The following SLC22A24 variants were observed in gnomAD, a reference collection of about 807,000 sequenced individuals.
SLC22A24 encodes steroid transmembrane transporter SLC22A24.
SLC22A24 carries 53 observed loss-of-function variants against 49.8 expected under a neutral mutation model. The ratio of observed to expected loss-of-function variants is 1.06; its 90% CI spans 0.85 to 1.34. SLC22A24 has a LOEUF of 1.34. Among genes scored for constraint, SLC22A24 ranks in the 40% most tolerant of loss-of-function variants. The pLI, the probability that SLC22A24 is intolerant of heterozygous loss-of-function variation, is 0.00. For synonymous variants in SLC22A24, 302 were observed against 256.4 expected (o/e 1.18, Z -1.70); for missense variants, 786 against 675.9 (o/e 1.16, Z -1.81).
chr11:63,135,633 T>C (rs2087368574), intron 1 of SLC22A24, among the ~76,000 whole-genome samples: 1 of 152,240 alleles, frequency 6.6e-6, no homozygotes, highest in African/African-American at 2.4e-5. Flanking sequence ...AATGGACATT[T>C]CTCGCTTTAT....
At chr11:63,140,603 A>C (rs758246957) in intron 1 of SLC22A24, among the ~76,000 whole-genome samples, 1 of 152,128 alleles carries the variant, frequency 6.6e-6, no homozygotes, top group Non-Finnish European at 1.5e-5. Context: ...AAAGAATTAG[A>C]TCTTATCTTC....
At chr11:63,093,774 C>T (rs1161522359) in intron 6 of SLC22A24, among the ~76,000 whole-genome samples, 2 of 151,986 alleles carry the variant, frequency 1.3e-5, no homozygotes, top group Non-Finnish European at 2.9e-5. Context: ...ATGAAATAAT[C>T]TGTACCACAA....
At chr11:63,139,161 AC>A (rs1207414836) in intron 1 of SLC22A24, among the ~76,000 whole-genome samples, 1 of 152,138 alleles carries the variant, frequency 6.6e-6, no homozygotes, top group Non-Finnish European at 1.5e-5. Flanking sequence ...TTCTCAGTCA[AC>A]TGAAATATTT....
chr11:63,133,753 C>T (rs928942695), intron 2 of SLC22A24, among the ~76,000 whole-genome samples: 3 of 152,160 alleles, frequency 2.0e-5, no homozygotes, highest in African/African-American at 7.2e-5. Context: ...GTGATTCTCA[C>T]ACCTCAGCCT....
At chr11:63,103,082 T>C (rs1251541168) in intron 5 of SLC22A24, among the ~76,000 whole-genome samples, 2 of 152,168 alleles carry the variant, frequency 1.3e-5, no homozygotes, top group Non-Finnish European at 2.9e-5. Context: ...GAAATAATAC[T>C]TTTCCAGACA....
chr11:63,102,425 C>T (rs866372347), intron 5 of SLC22A24, among the ~76,000 whole-genome samples: 7 of 152,082 alleles, frequency 4.6e-5, no homozygotes, highest in African/African-American at 1.7e-4. Flanking sequence ...CTCAGATGCA[C>T]TGGTCTGTCA....
chr11:63,132,968 G>A (rs1467881133), intron 2 of SLC22A24, among the ~76,000 whole-genome samples: 3 of 152,164 alleles, frequency 2.0e-5, no homozygotes, highest in African/African-American at 7.2e-5. Context: ...TGCCCAGTTC[G>A]AACTTCCCAG....
intron 1 of SLC22A24, among the ~76,000 whole-genome samples, chr11:63,137,419 TG>T (rs1449490475): frequency 2.0e-5 from 3 of 152,160 alleles, no homozygotes; most frequent in African/African-American, 7.2e-5. Context: ...CTTATTTGTC[TG>T]GTTATATTTG....
Position 63,127,381 on chromosome 11 carries a change from G to T in SLC22A24, c.506+7284C>A, listed in dbSNP as rs2087299205. Among the ~76,000 whole-genome samples, 3 of 152,200 alleles carry T rather than the reference G, an allele frequency of 2.0e-5. 1 individual carries two copies. Among genetic ancestry groups the T allele is most frequent in the South Asian group, 4.2e-4 (2 of 4,810 alleles). ...ATTTTCTTAATCCAATCTGTCATTG[G>T]TGGACATTTGGGTTGGTTCCAAGTC... On this transcript the variant is annotated intron_variant, in intron 2 of 9. Coordinates refer to ENST00000612278, the MANE Select transcript of SLC22A24 (RefSeq NM_001136506.2).
At chr11:63,118,293 A>C (rs1209995462) in intron 4 of SLC22A24, among the ~76,000 whole-genome samples, 1 of 152,150 alleles carries the variant, frequency 6.6e-6, no homozygotes, top group Admixed American at 6.5e-5. Context: ...AAACATCCCA[A>C]CATTCACTTT....
At chr11:63,135,356 G>A (rs1245304540) in intron 1 of SLC22A24, among the ~76,000 whole-genome samples, 1 of 152,066 alleles carries the variant, frequency 6.6e-6, no homozygotes, top group Non-Finnish European at 1.5e-5. Flanking sequence ...ACTTACTCTG[G>A]GTATCAGTTT....
At chr11:63,141,484 T>C (rs1309634539) in intron 1 of SLC22A24, among the ~76,000 whole-genome samples, 1 of 152,200 alleles carries the variant, frequency 6.6e-6, no homozygotes, top group African/African-American at 2.4e-5. Context: ...ATGCTTCTTG[T>C]AAAGAATCAA....
intron 6 of SLC22A24, among the ~76,000 whole-genome samples, chr11:63,093,222 C>T (rs574633248): frequency 2.2e-4 from 34 of 152,244 alleles, no homozygotes; most frequent in Non-Finnish European, 3.7e-4. Flanking sequence ...GAAGTAGAAA[C>T]GCTTTTACAC....
chr11:63,107,719 A>G (rs1001923262), intron 4 of SLC22A24, among the ~76,000 whole-genome samples: 6 of 152,088 alleles, frequency 3.9e-5, no homozygotes, highest in South Asian at 2.1e-4. Context: ...TTCACTCATG[A>G]TATGGCTCTC....
Position 63,083,470 on chromosome 11 carries a change from A to T in SLC22A24, c.1071-13T>A, listed in dbSNP as rs1186340384. ...AGTGATTGCGAATCTGAAGTGAATA[A>T]AAAGGACAAAGACATATTCAATAAG... On this transcript the variant is annotated splice_polypyrimidine_tract_variant and intron_variant, in intron 6 of 9. Transcript: ENST00000612278. 7 of 1,539,796 alleles carry T rather than the reference A, an allele frequency of 4.5e-6. No homozygotes were observed. The highest frequency in any genetic ancestry group is 6.2e-6 in the Non-Finnish European group (7 of 1,136,628).
chr11:63,103,223 G>A (rs2087101710), intron 5 of SLC22A24, among the ~76,000 whole-genome samples: 1 of 152,036 alleles, frequency 6.6e-6, no homozygotes, highest in Non-Finnish European at 1.5e-5. Flanking sequence ...GGACTGACAT[G>A]TATTTATTAG....
At chr11:63,113,608 C>G (rs970394967) in intron 4 of SLC22A24, among the ~76,000 whole-genome samples, 5 of 152,120 alleles carry the variant, frequency 3.3e-5, no homozygotes, top group Admixed American at 1.3e-4. Context: ...GTAATCCCAG[C>G]ACTTTGGGAG....
At chr11:63,099,123 A>G (rs1482527332) in intron 5 of SLC22A24, among the ~76,000 whole-genome samples, 1 of 152,118 alleles carries the variant, frequency 6.6e-6, no homozygotes, top group Non-Finnish European at 1.5e-5. Context: ...CACAATACAA[A>G]GTCTCCCAGC....
rs546458461 is a variant in SLC22A24 at position 63,112,205 on chromosome 11, G to A, written c.830+6707C>T. ...TGAGTTCTAGTTTGATTGCACTGTG[G>A]TCTGAGAGATAGTTTGTTATAATTT... On this transcript the variant is annotated intron_variant, in intron 4 of 9. Coordinates refer to ENST00000612278, the MANE Select transcript of SLC22A24 (RefSeq NM_001136506.2). Among the ~76,000 whole-genome samples, 25 of 152,246 alleles carry A rather than the reference G, an allele frequency of 1.6e-4. No homozygotes were observed. The East Asian group carries it at 4.6e-3, about 28-fold the overall frequency.
Sources: gnomAD v4.1 joint callset for allele counts (sites outside exome capture counted in the v4.1 genomes callset) on GRCh38, gnomAD v4.1.1 for gene constraint, MANE v1.5 for transcripts, NCBI Gene and HGNC (gene_info 2026-07-23, HGNC 2026-07-21) for gene names.